The following SPATA31G1 variants were observed in gnomAD, a reference collection of about 807,000 sequenced individuals.
The protein encoded by SPATA31G1 is spermatogenesis-associated protein 31G1.
chr9:35,044,172 C>G, the SPATA31G1 span: 28 of 1,614,100 alleles, frequency 1.7e-5, no homozygotes, highest in South Asian at 2.9e-4. Flanking sequence ...TTCCCCAGAC[C>G]CTGTTCATAG....
At chr9:35,043,554 C>T in the SPATA31G1 span, 3 of 1,614,172 alleles carry the variant, frequency 1.9e-6, no homozygotes, top group Non-Finnish European at 2.5e-6. Flanking sequence ...CACACAGTCC[C>T]CTGGAACTAG....
chr9:35,044,067 C>A, the SPATA31G1 span: 2 of 1,614,082 alleles, frequency 1.2e-6, no homozygotes, highest in Non-Finnish European at 1.7e-6. Context: ...AGTCCCTCTC[C>A]TGGAGTCTCT....
the SPATA31G1 span, chr9:35,045,888 T>TAGCA: frequency 6.4e-7 from 1 of 1,567,568 alleles, no homozygotes. Flanking sequence ...CTGGTAATAC[T>TAGCA]AGCACTTGGT....
At chr9:35,045,898 T>C in the SPATA31G1 span, 5 of 1,559,398 alleles carry the variant, frequency 3.2e-6, no homozygotes, top group Non-Finnish European at 4.3e-6. Context: ...TAGCACTTGG[T>C]ATGCCAAGAC....
the SPATA31G1 span, chr9:35,043,807 A>G: frequency 6.2e-7 from 1 of 1,613,726 alleles, no homozygotes; most frequent in African/African-American, 1.3e-5. Context: ...CCTCCCCTAG[A>G]CTCCCTGCCA....
the SPATA31G1 span, chr9:35,042,282 G>C: frequency 2.5e-6 from 4 of 1,614,036 alleles, no homozygotes; most frequent in Non-Finnish European, 2.5e-6. Context: ...GGACCTGCTT[G>C]GGGCTAAGGG....
At chr9:35,045,132 C>A in the SPATA31G1 span, 8 of 1,614,070 alleles carry the variant, frequency 5.0e-6, no homozygotes, top group South Asian at 2.2e-5. Context: ...GCAGATTTAT[C>A]CCCCCAATCC....
chr9:35,043,627 C>T, the SPATA31G1 span: 1 of 1,614,172 alleles, frequency 6.2e-7, no homozygotes, highest in East Asian at 2.2e-5. Context: ...AAAAAGATGC[C>T]CCAAGCTTTT....
chr9:35,044,973 C>T, the SPATA31G1 span: 1 of 1,614,194 alleles, frequency 6.2e-7, no homozygotes, highest in Non-Finnish European at 8.5e-7. Flanking sequence ...CCATGCCTGG[C>T]AGTGGAGTAG....
chr9:35,041,190 G>A, the SPATA31G1 span: 4 of 439,704 alleles, frequency 9.1e-6, no homozygotes, highest in East Asian at 3.0e-4. Context: ...AGAGGAACAG[G>A]CTATGACCTA....
the SPATA31G1 span, chr9:35,043,687 C>T: frequency 3.1e-6 from 5 of 1,614,190 alleles, no homozygotes; most frequent in Admixed American, 3.3e-5. Context: ...CTGTCAGAAC[C>T]CAGAAAAGTT....
At chr9:35,043,616 C>T in the SPATA31G1 span, 1 of 1,614,192 alleles carries the variant, frequency 6.2e-7, no homozygotes, top group South Asian at 1.1e-5. Flanking sequence ...CCACAGGACA[C>T]AAAAAGATGC....
the SPATA31G1 span, chr9:35,043,700 C>G: frequency 6.2e-7 from 1 of 1,614,192 alleles, no homozygotes. Flanking sequence ...GAAAAGTTAG[C>G]CCTGAAGGAG....
chr9:35,042,671 C>A, the SPATA31G1 span: 1 of 1,162,148 alleles, frequency 8.6e-7, no homozygotes, highest in Non-Finnish European at 1.2e-6. Flanking sequence ...TGAGGGAATA[C>A]TGATCTCCAA....
the SPATA31G1 span, chr9:35,045,908 C>T: frequency 6.5e-7 from 1 of 1,530,088 alleles, no homozygotes. Flanking sequence ...TATGCCAAGA[C>T]CTGAAGCCAA....
chr9:35,043,066 T>C, the SPATA31G1 span: 1 of 1,614,094 alleles, frequency 6.2e-7, no homozygotes, highest in Non-Finnish European at 8.5e-7. Flanking sequence ...TCTGAGGGCC[T>C]CCTCAAGGCT....
the SPATA31G1 span, chr9:35,042,055 G>T: frequency 1.4e-6 from 1 of 730,734 alleles, no homozygotes; most frequent in Non-Finnish European, 2.2e-6. Flanking sequence ...AATGCCTGAA[G>T]CATAATTCTG....
the SPATA31G1 span, chr9:35,043,602 G>T: frequency 6.2e-7 from 1 of 1,614,118 alleles, no homozygotes; most frequent in Non-Finnish European, 8.5e-7. Flanking sequence ...GACTCATTTG[G>T]AAACCACAGG....
the SPATA31G1 span, chr9:35,043,623 A>ATGCCCCAAGCT: frequency 6.2e-7 from 1 of 1,614,038 alleles, no homozygotes; most frequent in Admixed American, 1.7e-5. Flanking sequence ...ACACAAAAAG[A>ATGCCCCAAGCT]TGCCCCAAGC....
Sources: allele counts gnomAD v4.1 joint callset, GRCh38; gene constraint gnomAD v4.1.1; transcripts MANE v1.5; gene names NCBI Gene and HGNC (gene_info 2026-07-23, HGNC 2026-07-21).